The following RFT1 variants were observed in gnomAD, a reference collection of about 807,000 sequenced individuals.
RFT1 encodes the protein RFT1 glycolipid translocator homolog.
In RFT1, 43 loss-of-function variants were observed where a neutral mutation model predicts 62.2. The ratio of observed to expected loss-of-function variants is 0.69; its 90% CI spans 0.54 to 0.89. RFT1 has a LOEUF of 0.89. Ranked by LOEUF, RFT1 falls within the 40% of genes least tolerant of loss-of-function variation. The pLI is 0.00. For synonymous variants in RFT1, 262 were observed against 264.6 expected, an observed-to-expected ratio of 0.99 and a Z score of 0.10; for missense variants, 605 against 649.9, an observed-to-expected ratio of 0.93 and a Z score of 0.75.
intron 11 of RFT1, among the ~76,000 whole-genome samples, chr3:53,093,772 GCTA>G (rs572173043): frequency 1.5e-3 from 221 of 152,248 alleles, no homozygotes; most frequent in African/African-American, 5.2e-3. Context: ...TGCAGTCCTA[GCTA>G]CTCGGGAGGT....
chr3:53,083,950 A>C (rs534504314), downstream of RFT1, among the ~76,000 whole-genome samples: 1 of 152,346 alleles, frequency 6.6e-6, no homozygotes, highest in South Asian at 2.1e-4. Flanking sequence ...TTGTTCATAA[A>C]ATTCTTGTGT....
At chr3:53,083,393 G>A in the RFT1 span, among the ~76,000 whole-genome samples, 1 of 149,638 alleles carries the variant, frequency 6.7e-6, no homozygotes, top group South Asian at 2.1e-4. Context: ...TACTCAGGAG[G>A]CTGAGGTGGG....
At chr3:53,098,563 G>C (rs1159342505) in intron 11 of RFT1, among the ~76,000 whole-genome samples, 2 of 152,236 alleles carry the variant, frequency 1.3e-5, no homozygotes, top group South Asian at 2.1e-4. Flanking sequence ...GGCACTTTGG[G>C]AGGCCAAGGC....
At chr3:53,117,517 C>T (rs898622064) in intron 6 of RFT1, among the ~76,000 whole-genome samples, 3 of 152,164 alleles carry the variant, frequency 2.0e-5, no homozygotes, top group African/African-American at 7.2e-5. Flanking sequence ...TGTATGTCAG[C>T]GGGAACAGTA....
chr3:53,075,271 G>A, the RFT1 span, among the ~76,000 whole-genome samples: 1 of 152,194 alleles, frequency 6.6e-6, no homozygotes, highest in Admixed American at 6.5e-5. Context: ...ATGAAATCCT[G>A]GTGAGTTGTG....
At chr3:53,118,048 C>A (rs1232375839) in intron 6 of RFT1, among the ~76,000 whole-genome samples, 1 of 152,210 alleles carries the variant, frequency 6.6e-6, no homozygotes, top group African/African-American at 2.4e-5. Context: ...CACCACTATA[C>A]CCAGCTAATT....
intron 7 of RFT1, among the ~76,000 whole-genome samples, chr3:53,108,248 C>T (rs938201992): frequency 1.3e-5 from 2 of 150,840 alleles, no homozygotes; most frequent in Non-Finnish European, 3.0e-5. Flanking sequence ...AGATGGGTTT[C>T]ACCATGTTGG....
the RFT1 span, among the ~76,000 whole-genome samples, chr3:53,072,390 C>T: frequency 6.6e-6 from 1 of 152,150 alleles, no homozygotes; most frequent in Non-Finnish European, 1.5e-5. Flanking sequence ...ATGCACTGAC[C>T]CCCCAGGGCT....
intron 6 of RFT1, among the ~76,000 whole-genome samples, chr3:53,118,815 G>A (rs970897960): frequency 2.0e-5 from 3 of 152,068 alleles, no homozygotes; most frequent in African/African-American, 7.2e-5. Context: ...TGAGTGTGAA[G>A]GAATTGAGTA....
chr3:53,105,628 T>G (rs75323042), intron 9 of RFT1, 45 bp downstream of exon 9: 1 of 1,606,648 alleles, frequency 6.2e-7, no homozygotes, highest in African/African-American at 1.3e-5. Flanking sequence ...GTCTTGCAAT[T>G]AAAGGGAGAA....
rs181671963 is a variant in RFT1, at chr3:53,106,067, T to C, written c.827-264A>G. Among the ~76,000 whole-genome samples, 12 of 152,046 alleles carry C rather than the reference T, an allele frequency of 7.9e-5. No homozygotes were observed. The East Asian group carries it at 2.1e-3, about 27-fold the overall frequency. On this transcript the variant is annotated intron_variant, in intron 8 of 12. Coordinates refer to ENST00000296292, the MANE Select transcript of RFT1 (RefSeq NM_052859.4). ...GGGAAACACGGAAAAACCCTGTCTCTACAAAAATGGAAAAATTTAGCCAGG... is the reference window on the plus strand; with the variant it reads ...GGGAAACACGGAAAAACCCTGTCTCCACAAAAATGGAAAAATTTAGCCAGG...
At chr3:53,070,478 C>T in the RFT1 span, among the ~76,000 whole-genome samples, 6 of 131,544 alleles carry the variant, frequency 4.6e-5, no homozygotes, top group Admixed American at 4.7e-4. Flanking sequence ...CTCAGCTTAT[C>T]GCAACCTCCG....
At chr3:53,125,359 G>A (rs1173001668) in intron 2 of RFT1, among the ~76,000 whole-genome samples, 4 of 152,212 alleles carry the variant, frequency 2.6e-5, no homozygotes, top group African/African-American at 7.2e-5. Context: ...GAAAGGAGGC[G>A]AGTAGAAGAA....
chr3:53,101,375 A>T (rs373338575), intron 10 of RFT1, among the ~76,000 whole-genome samples: 1 of 152,172 alleles, frequency 6.6e-6, no homozygotes. Flanking sequence ...CCCTGGCAGA[A>T]GCAGAGAAGA....
In RFT1 at chr3:53,099,416, G is replaced by A. The variant is rs752483873; in HGVS notation, c.1173C>T (p.Phe391=). Residue 391 remains phenylalanine, a synonymous_variant, in exon 11 of 13, where the codon TTC becomes TTT. Coordinates refer to ENST00000296292, the MANE Select transcript of RFT1 (RefSeq NM_052859.4). ...CCTCTTTGCTCATGGCAGCAAATGT[G>A]AAACACTCTGTCACTCCATTGATGG... ...LLAINGVTEC[F]TFAAMSKEEV... is the part of the protein sequence containing the mutation. 6.2e-7 allele frequency: 1 copy of A among 1,614,148 alleles called. No individual in the cohort carries two copies. The highest frequency in any genetic ancestry group is 8.5e-7 in the Non-Finnish European group (1 of 1,180,014).
At position 53,105,765 on chromosome 3, in the gene RFT1, C is replaced by T. The variant is rs900517283; in HGVS notation, c.865G>A (p.Ala289Thr). The T allele has an allele frequency of 1.2e-6, 2 of 1,613,642 alleles. No homozygotes were observed. Among genetic ancestry groups the T allele is most frequent in the Admixed American group, 3.3e-5 (2 of 59,990 alleles). ...TCTATTGGCTGGAAAATTAATCTGG[C>T]CACAAGGGAGCCAAGATTATTCACT... ...DIVNNLGSLVARLIFQPIEES... is the reference protein window; with the variant it reads ...DIVNNLGSLVTRLIFQPIEES... Residue 289 changes from alanine (A) to threonine (T), a missense_variant, in exon 9 of 13, where the codon GCC becomes ACC. By Grantham distance (58) the Ala-to-Thr change is moderately conservative. Transcript: ENST00000296292.
Position 53,089,416 on chromosome 3 carries a change from C to G in RFT1, c.*2487G>C, listed in dbSNP as rs1269597144. The stretch of plus-strand genomic sequence containing the variant: ...AGGTTGTGCCTCAGAGACTTGTTTC[C>G]ATGGAGAAGTAGCCTCACTATAAGT... On this transcript the variant is annotated 3_prime_UTR_variant, in exon 13 of 13. Transcript: ENST00000296292. 1 of 152,206 alleles carries G rather than the reference C, an allele frequency of 6.6e-6. No individual in the cohort carries two copies. The highest frequency in any genetic ancestry group is 1.5e-5 in the Non-Finnish European group (1 of 68,056). The allele number at this position is 152,206 out of a possible 1,614,324, so 9.4% of individuals were successfully genotyped here.
chr3:53,076,237 C>T, the RFT1 span, among the ~76,000 whole-genome samples: 4 of 152,198 alleles, frequency 2.6e-5, no homozygotes, highest in South Asian at 6.2e-4. Context: ...CATTTCCACC[C>T]GGATCTTACT....
chr3:53,082,286 G>A, the RFT1 span, among the ~76,000 whole-genome samples: 1 of 152,142 alleles, frequency 6.6e-6, no homozygotes. Flanking sequence ...AAACCAGCCT[G>A]ACCACATGCA....
Sources: gnomAD v4.1 joint callset for allele counts (sites outside exome capture counted in the v4.1 genomes callset) on GRCh38, gnomAD v4.1.1 for gene constraint, MANE v1.5 for transcripts, NCBI Gene and HGNC (gene_info 2026-07-23, HGNC 2026-07-21) for gene names.